Variants in IL2RB observed in about 807,000 individuals in gnomAD.
IL2RB encodes the protein interleukin-2 receptor subunit beta.
IL2RB carries 17 observed loss-of-function variants against 44.2 expected under a neutral mutation model. That is an observed-to-expected ratio of 0.38 (90% CI 0.26 to 0.58). The LOEUF (loss-of-function observed/expected upper bound fraction) is 0.58, where lower values mean the gene tolerates loss of function less well. IL2RB is among the 20% of genes least tolerant of loss of function. The pLI, the probability that IL2RB is intolerant of heterozygous loss-of-function variation, is 0.63. For missense variants in IL2RB, 624 were observed against 685.5 expected (o/e 0.91, Z 1.00); for synonymous variants, 286 against 297.9 (o/e 0.96, Z 0.41).
At chr22:37,142,073 C>T (rs1921994672) in intron 4 of IL2RB, among the ~76,000 whole-genome samples, 1 of 152,182 alleles carries the variant, frequency 6.6e-6, no homozygotes, top group Non-Finnish European at 1.5e-5. Flanking sequence ...CTGCACTGCA[C>T]TGCCAAGCCC....
At chr22:37,163,290 G>C (rs1922946774) in intron 1 of IL2RB, among the ~76,000 whole-genome samples, 1 of 152,170 alleles carries the variant, frequency 6.6e-6, no homozygotes, top group Non-Finnish European at 1.5e-5. Context: ...ACCTCCAGCT[G>C]TTTGCTGGCT....
At chr22:37,144,576 C>T (rs1183837998) in intron 1 of IL2RB, among the ~76,000 whole-genome samples, 1 of 152,180 alleles carries the variant, frequency 6.6e-6, no homozygotes, top group Non-Finnish European at 1.5e-5. Flanking sequence ...GAAACCCTGT[C>T]TCTACTAAAA....
At chr22:37,133,650 G>A (rs1035037657) in intron 8 of IL2RB, among the ~76,000 whole-genome samples, 1 of 152,186 alleles carries the variant, frequency 6.6e-6, no homozygotes, top group Non-Finnish European at 1.5e-5. Flanking sequence ...CCCTCCACCA[G>A]GCCACGCTCC....
At chr22:37,148,877 C>T (rs3218252) in intron 1 of IL2RB, among the ~76,000 whole-genome samples, 71,790 of 151,852 alleles carry the variant, frequency 0.47, 17,251 homozygotes, top group South Asian at 0.6. Context: ...AGCAGGAGCT[C>T]GGGAGCCCAT....
chr22:37,158,561 A>T (rs547953241), intron 1 of IL2RB, among the ~76,000 whole-genome samples: 1 of 152,138 alleles, frequency 6.6e-6, no homozygotes, highest in Non-Finnish European at 1.5e-5. Context: ...CCGTCTAAAA[A>T]AAATAGGAAG....
intron 1 of IL2RB, among the ~76,000 whole-genome samples, chr22:37,165,769 C>T (rs1477075334): frequency 1.3e-5 from 2 of 151,812 alleles, no homozygotes; most frequent in Admixed American, 6.6e-5. Context: ...CCAGGCCTAC[C>T]CAGGGCAAGT....
chr22:37,156,399 C>T (rs931545766), intron 1 of IL2RB, among the ~76,000 whole-genome samples: 2 of 152,220 alleles, frequency 1.3e-5, no homozygotes, highest in African/African-American at 4.8e-5. Context: ...GGCTTTATTT[C>T]TCTCTTACAT....
At chr22:37,169,721 A>C (rs1395168167) in intron 1 of IL2RB, among the ~76,000 whole-genome samples, 2 of 151,094 alleles carry the variant, frequency 1.3e-5, no homozygotes, top group African/African-American at 2.4e-5. Flanking sequence ...TATCCCGCGG[A>C]CTCATCATCC....
chr22:37,142,287 C>G (rs1922005246), intron 4 of IL2RB, 147 bp downstream of exon 4: 1 of 728,346 alleles, frequency 1.4e-6, no homozygotes, highest in East Asian at 2.6e-5. Flanking sequence ...TTCTCTGCCT[C>G]TTGCTCAGCG....
In IL2RB at chr22:37,128,811, C is replaced by T. The variant is rs746610945; in HGVS notation, c.941G>A (p.Ser314Asn). 2 of 1,611,522 alleles carry T rather than the reference C, an allele frequency of 1.2e-6. No homozygotes were observed. The highest frequency in any genetic ancestry group is 1.7e-6 in the Non-Finnish European group (2 of 1,177,948). Residue 314 changes from serine to asparagine, a missense_variant, in exon 10 of 10, where the codon AGC becomes AAC. Ser to Asn is a conservative substitution (Grantham distance 46). Around this residue, in one of 3 missense-constraint regions of IL2RB, gnomAD observed 255 missense variants for 339.9 expected, o/e 0.75. Coordinates refer to ENST00000216223, the MANE Select transcript of IL2RB (RefSeq NM_000878.5). The surrounding 1 kb of genome is among the most constrained non-coding windows in gnomAD (Gnocchi z 4.5). The stretch of plus-strand genomic sequence containing the variant: ...GATCTCAGGTGCCAGGCCGCCAGGG[C>T]TGAAGGACGATGAGGGGAAGGGCGA... Reference protein sequence around the residue: ...LSSPFPSSSFSPGGLAPEISP... With the variant: ...LSSPFPSSSFNPGGLAPEISP...
At chr22:37,160,092 G>T (rs1922807663) in intron 1 of IL2RB, among the ~76,000 whole-genome samples, 1 of 152,186 alleles carries the variant, frequency 6.6e-6, no homozygotes, top group Non-Finnish European at 1.5e-5. Context: ...TCCTACTGTT[G>T]ACCTCCCAAC....
chr22:37,150,374 A>G (rs1922436374), upstream of IL2RB, among the ~76,000 whole-genome samples: 1 of 151,728 alleles, frequency 6.6e-6, no homozygotes, highest in Non-Finnish European at 1.5e-5. Context: ...CGAGACTCCC[A>G]TTTCACCCAG....
At chr22:37,150,086 G>GCGCA (rs925186700), upstream of IL2RB, 3 of 138,294 alleles carry the variant, frequency 2.2e-5, no homozygotes, top group South Asian at 4.9e-4. Context: ...GCTGGGGGCG[G>GCGCA]CACACACACA....
chr22:37,154,853 C>T (rs140376369), upstream of IL2RB, among the ~76,000 whole-genome samples: 24 of 152,186 alleles, frequency 1.6e-4, no homozygotes, highest in East Asian at 4.4e-3. Flanking sequence ...GGATTACAGA[C>T]GTTAGCCACC....
intron 3 of IL2RB, 96 bp downstream of exon 3, chr22:37,143,425 A>G (rs1922061227): frequency 1.2e-6 from 1 of 803,654 alleles, no homozygotes; most frequent in Admixed American, 2.3e-5. Context: ...TTAGTCCAAG[A>G]TTCTGTAAAC....
chr22:37,141,905 A>G lies in IL2RB; in HGVS notation c.282+529T>C, dbSNP rs1921985022. 6.6e-6 allele frequency among the ~76,000 whole-genome samples: 1 copy of G among 152,116 alleles called. No homozygotes were observed. On this transcript the variant is annotated intron_variant, in intron 4 of 9. Transcript: ENST00000216223. This position sits in a 1 kb window ranked among gnomAD's most constrained non-coding sequence, Gnocchi z 4.4. ...TCAGGCTGGGGAGGGCCTGAAAAAC[A>G]AGGCCCTTGTTGGGCCTTGACCCAA... is the stretch of plus-strand genomic sequence containing the variant.
intron 1 of IL2RB, among the ~76,000 whole-genome samples, chr22:37,167,493 T>C (rs114125536): frequency 0.027 from 4,142 of 152,352 alleles, 187 homozygotes; most frequent in African/African-American, 0.093. Context: ...AGCCCAGGCC[T>C]GCGGCCTCTC....
At chr22:37,165,142 T>C (rs1923024754) in intron 1 of IL2RB, among the ~76,000 whole-genome samples, 1 of 152,222 alleles carries the variant, frequency 6.6e-6, no homozygotes, top group South Asian at 2.1e-4. Flanking sequence ...GGAGGTTAAA[T>C]AACTCGCCCA....
At chr22:37,140,037 T>C (rs532106111) in intron 4 of IL2RB, among the ~76,000 whole-genome samples, 5 of 152,334 alleles carry the variant, frequency 3.3e-5, no homozygotes, top group African/African-American at 1.2e-4. Flanking sequence ...CTGCCAACCC[T>C]ACAGCCCGGC....
Sources: allele counts gnomAD v4.1 joint callset (sites outside exome capture counted in the v4.1 genomes callset), GRCh38; gene constraint gnomAD v4.1.1; regional missense constraint gnomAD v4.1.1; non-coding constraint Gnocchi (gnomAD v3.1); transcripts MANE v1.5; gene names NCBI Gene and HGNC (gene_info 2026-07-23, HGNC 2026-07-21).